MICAL3: variants seen among roughly 807,000 people sequenced by gnomAD.
The protein encoded by MICAL3 is [F-actin]-monooxygenase MICAL3.
Under a neutral mutation model 207.4 loss-of-function variants are expected in MICAL3, and 62 were observed. The ratio of observed to expected loss-of-function variants is 0.30; its 90% CI spans 0.24 to 0.37. MICAL3 has a LOEUF of 0.37. Ranked by LOEUF, MICAL3 falls within the 10% of genes least tolerant of loss-of-function variation. The pLI is 1.00. For missense variants in MICAL3, 2,368 were observed against 2,635.6 expected, an observed-to-expected ratio of 0.90 and a Z score of 2.22; for synonymous variants, 1,077 against 1,069.3, an observed-to-expected ratio of 1.01 and a Z score of -0.14.
chr22:18,000,247 G>GAA (rs34270568), intron 1 of MICAL3, among the ~76,000 whole-genome samples: 3 of 40,014 alleles, frequency 7.5e-5, no homozygotes, highest in Non-Finnish European at 1.7e-4. Context: ...AGCTTAGGGG[G>GAA]AAAAAAAAAA....
At chr22:17,998,532 C>CATA (rs201722452) in intron 1 of MICAL3, among the ~76,000 whole-genome samples, 13 of 149,248 alleles carry the variant, frequency 8.7e-5, no homozygotes, top group South Asian at 4.2e-4. Flanking sequence ...AAATCCAGAG[C>CATA]ATAATAATAA....
chr22:17,866,831 G>C (rs1432084139), intron 17 of MICAL3, among the ~76,000 whole-genome samples: 2 of 152,332 alleles, frequency 1.3e-5, no homozygotes, highest in East Asian at 3.9e-4. Flanking sequence ...CTTTTCCCAT[G>C]ACTCTGGTAA....
chr22:17,982,270 G>A (rs1935947148), intron 1 of MICAL3, among the ~76,000 whole-genome samples: 1 of 152,220 alleles, frequency 6.6e-6, no homozygotes, highest in Non-Finnish European at 1.5e-5. Context: ...TGCTCCAAAG[G>A]GAATGCAGGC....
chr22:17,799,548 C>T (rs886925668), intron 29 of MICAL3, among the ~76,000 whole-genome samples: 1 of 152,240 alleles, frequency 6.6e-6, no homozygotes, highest in African/African-American at 2.4e-5. Context: ...AGAAGGCACT[C>T]GGCTATTCTG....
chr22:17,808,856 G>T lies in MICAL3; in HGVS notation c.5638C>A (p.Arg1880=), dbSNP rs554617455. The part of the protein sequence containing the change: ...ERGVAVEKAL[R]GEAGMGKKDD... ...AGCCCGGCAGTACCTGCTTCGCCCCGGAGCGCCTTCTCCACAGCCACGCCC... is the reference window on the plus strand; with the variant it reads ...AGCCCGGCAGTACCTGCTTCGCCCCTGAGCGCCTTCTCCACAGCCACGCCC... The change falls in exon 29 of 32, where the codon CGG becomes AGG. Residue 1880 remains arginine (R), a synonymous_variant. Coordinates refer to ENST00000441493, the MANE Select transcript of MICAL3 (RefSeq NM_015241.3). The T allele has an allele frequency of 7.7e-6, 12 of 1,552,830 alleles. No homozygotes were observed. The South Asian group carries it at 9.5e-5, about 12-fold the overall frequency.
At chr22:18,013,249 T>C (rs998060886) in intron 1 of MICAL3, among the ~76,000 whole-genome samples, 9 of 152,272 alleles carry the variant, frequency 5.9e-5, no homozygotes, top group Non-Finnish European at 1.2e-4. Context: ...CATTCAGTTA[T>C]ATGAGCTAAT....
intron 1 of MICAL3, among the ~76,000 whole-genome samples, chr22:17,926,070 T>C (rs963662495): frequency 6.6e-6 from 1 of 152,234 alleles, no homozygotes; most frequent in Admixed American, 6.5e-5. Context: ...CTGATGTCTT[T>C]CATCTTGACC....
At chr22:17,877,549 G>GGGAGGTTATGGAGGTGAA (rs1928946470) in intron 16 of MICAL3, among the ~76,000 whole-genome samples, 1 of 100,698 alleles carries the variant, frequency 9.9e-6, no homozygotes, top group East Asian at 3.6e-4. Flanking sequence ...ATGGAGGTGA[G>GGGAGGTTATGGAGGTGAA]GGAGGTTATG....
At chr22:17,867,352 G>A (rs901610886) in intron 17 of MICAL3, among the ~76,000 whole-genome samples, 12 of 152,214 alleles carry the variant, frequency 7.9e-5, no homozygotes, top group African/African-American at 2.9e-4. Flanking sequence ...CCAGGGGAGT[G>A]GAGCCACGGG....
chr22:17,820,124 G>A (rs1921410489), intron 25 of MICAL3, among the ~76,000 whole-genome samples: 2 of 141,330 alleles, frequency 1.4e-5, no homozygotes, highest in Non-Finnish European at 3.0e-5. Context: ...GTCTGGGCAA[G>A]AGACTGAGAC....
At chr22:17,823,930 G>A (rs528015661) in intron 22 of MICAL3, among the ~76,000 whole-genome samples, 2 of 152,318 alleles carry the variant, frequency 1.3e-5, no homozygotes, top group South Asian at 4.1e-4. Flanking sequence ...AGCTTCCCTT[G>A]CAATAATTTA....
intron 19 of MICAL3, chr22:17,861,935 G>A: frequency 1.0e-6 from 1 of 985,284 alleles, no homozygotes; most frequent in Non-Finnish European, 1.2e-6. Context: ...GTGTTTTTTT[G>A]TTTTTGTTTT....
chr22:17,972,855 A>G (rs453435), intron 1 of MICAL3, among the ~76,000 whole-genome samples: 51,791 of 152,156 alleles, frequency 0.34, 9,232 homozygotes, highest in East Asian at 0.52. Flanking sequence ...TTCCCACAGC[A>G]ACTGTAACCT....
intron 29 of MICAL3, among the ~76,000 whole-genome samples, chr22:17,794,687 G>C (rs2061857545): frequency 6.6e-6 from 1 of 152,174 alleles, no homozygotes; most frequent in African/African-American, 2.4e-5. Flanking sequence ...GTCACACTCT[G>C]GATTGTGAGA....
At chr22:17,930,957 A>G (rs1358524803) in intron 1 of MICAL3, among the ~76,000 whole-genome samples, 1 of 152,200 alleles carries the variant, frequency 6.6e-6, no homozygotes, top group East Asian at 1.9e-4. Flanking sequence ...ACTGGACAGC[A>G]GCTTCCCAGA....
At chr22:17,897,127 G>A (rs1930912870) in intron 7 of MICAL3, 146 bp from the exon 8 acceptor site, 1 of 849,944 alleles carries the variant, frequency 1.2e-6, no homozygotes, top group South Asian at 1.7e-5. Context: ...ATTAAAATGG[G>A]CGGGGGGAAA....
intron 1 of MICAL3, among the ~76,000 whole-genome samples, chr22:17,920,453 T>C (rs964211269): frequency 1.3e-5 from 2 of 152,152 alleles, no homozygotes; most frequent in African/African-American, 4.8e-5. Flanking sequence ...ACGGTGGCTT[T>C]CAAGTGAGAC....
chr22:17,953,226 T>C lies in MICAL3; in HGVS notation c.-74-46340A>G, dbSNP rs115779470. 4.9e-3 allele frequency among the ~76,000 whole-genome samples: 740 copies of C among 152,258 alleles called. 7 individuals carry two copies. Among genetic ancestry groups the C allele is most frequent in the African/African-American group, 0.017 (695 of 41,542 alleles). On this transcript the variant is annotated intron_variant, in intron 1 of 31. Transcript: ENST00000441493. ...CATTCAGCCAAGCTTTCTTTACCTG[T>C]AGGGCCTGAACCAGACTCCATAGGA...
At chr22:17,983,649 C>T (rs143757240) in intron 1 of MICAL3, 2 of 153,072 alleles carry the variant, frequency 1.3e-5, no homozygotes, top group South Asian at 2.1e-4. Context: ...TGCTGCTTGT[C>T]CCACACCAGG....
Sources: allele counts gnomAD v4.1 joint callset (sites outside exome capture counted in the v4.1 genomes callset), GRCh38; gene constraint gnomAD v4.1.1; transcripts MANE v1.5; gene names NCBI Gene and HGNC (gene_info 2026-07-23, HGNC 2026-07-21).